Variants in DPYD observed in about 807,000 individuals in gnomAD.
The protein encoded by DPYD is dihydropyrimidine dehydrogenase [NADP(+)].
DPYD carries 109 observed loss-of-function variants against 116.2 expected under a neutral mutation model. That is an observed-to-expected ratio of 0.94 (90% confidence interval 0.80 to 1.10). The LOEUF is 1.10. DPYD is among the 50% of genes least tolerant of loss of function. The probability of loss-of-function intolerance (pLI) is 0.00; values close to 1 mark genes in which losing one functional copy is unlikely to be tolerated. For missense variants in DPYD, 1,302 were observed against 1,254.5 expected (o/e 1.04, Z -0.57); for synonymous variants, 440 against 432.0 (o/e 1.02, Z -0.23).
intron 6 of DPYD, among the ~76,000 whole-genome samples, chr1:97,692,614 G>A (rs190391534): frequency 2.0e-5 from 3 of 152,290 alleles, no homozygotes; most frequent in Admixed American, 1.3e-4. Context: ...AGTGAATAGT[G>A]CCAGGCACAG....
intron 13 of DPYD, among the ~76,000 whole-genome samples, chr1:97,472,252 A>G (rs1677706080): frequency 6.6e-6 from 1 of 152,202 alleles, no homozygotes; most frequent in African/African-American, 2.4e-5. Context: ...CCTCTTAACT[A>G]AAGGGTTTGA....
intron 16 of DPYD, among the ~76,000 whole-genome samples, chr1:97,361,737 T>C (rs545608844): frequency 6.6e-6 from 1 of 152,346 alleles, no homozygotes; most frequent in South Asian, 2.1e-4. Context: ...ATAAAAGGCC[T>C]TCAATAAAAT....
chr1:97,584,148 A>G (rs1653914392), intron 10 of DPYD, among the ~76,000 whole-genome samples: 1 of 152,068 alleles, frequency 6.6e-6, no homozygotes, highest in Admixed American at 6.5e-5. Flanking sequence ...TTTGATTTGC[A>G]TTTCTCTGAT....
chr1:97,573,631 G>T, intron 11 of DPYD, 129 bp downstream of exon 11: 4 of 1,094,956 alleles, frequency 3.7e-6, no homozygotes, highest in Admixed American at 2.0e-5. Flanking sequence ...AATCAAGATT[G>T]CTTTTACTTC....
intron 8 of DPYD, among the ~76,000 whole-genome samples, chr1:97,612,511 G>T (rs1656007496): frequency 6.6e-6 from 1 of 151,882 alleles, no homozygotes; most frequent in African/African-American, 2.4e-5. Flanking sequence ...CTGCAAAATA[G>T]CTTAAGTGTT....
intron 16 of DPYD, chr1:97,322,937 ACT>A (rs1345528244): frequency 2.6e-5 from 4 of 151,562 alleles, no homozygotes; most frequent in Admixed American, 6.6e-5. Context: ...AGGATTAAAA[ACT>A]CTGCAATACG....
At chr1:97,367,268 CCT>C (rs958837023) in intron 16 of DPYD, among the ~76,000 whole-genome samples, 11 of 151,348 alleles carry the variant, frequency 7.3e-5, no homozygotes, top group Non-Finnish European at 1.0e-4. Context: ...AGAAACAAAG[CCT>C]CTCTCTTTTT....
intron 13 of DPYD, among the ~76,000 whole-genome samples, chr1:97,514,544 C>T (rs1235660471): frequency 6.6e-6 from 1 of 151,672 alleles, no homozygotes; most frequent in Non-Finnish European, 1.5e-5. Flanking sequence ...AATATACTAT[C>T]AATATTCTAC....
At chr1:97,707,801 T>C (rs1662065531) in intron 5 of DPYD, among the ~76,000 whole-genome samples, 2 of 152,154 alleles carry the variant, frequency 1.3e-5, no homozygotes, top group South Asian at 4.1e-4. Flanking sequence ...TCTGTATATC[T>C]TTCTTGGTGA....
intron 14 of DPYD, among the ~76,000 whole-genome samples, chr1:97,410,735 T>C (rs148430764): frequency 0.013 from 1,953 of 152,198 alleles, 24 homozygotes; most frequent in South Asian, 0.023. Flanking sequence ...GATAGATTTA[T>C]ATTTTATAAA....
chr1:97,719,849 A>C, intron 5 of DPYD: 1 of 985,028 alleles, frequency 1.0e-6, no homozygotes, highest in African/African-American at 1.7e-5. Context: ...AAGCAGATAC[A>C]TTCCTATTCT....
At chr1:97,168,432 C>T (rs1656480247) in intron 20 of DPYD, among the ~76,000 whole-genome samples, 1 of 152,178 alleles carries the variant, frequency 6.6e-6, no homozygotes, top group Non-Finnish European at 1.5e-5. Flanking sequence ...AGACCTACTT[C>T]ACAGATTGCT....
In DPYD at chr1:97,751,492, A is replaced by ATATATATATG. The variant is rs1265776238; in HGVS notation, c.234-11014_234-11013insCATATATATA. ...TATATATATATATATATATATATAT[A>ATATATATATG]TATGGCAGGGGACAGTGGCTCACGC... is the stretch of plus-strand genomic sequence containing the variant. On this transcript the variant is annotated intron_variant, in intron 3 of 22. Transcript: ENST00000370192. Among the ~76,000 whole-genome samples the ATATATATATG allele has an allele frequency of 7.4e-5, 10 of 134,656 alleles. No individual in the cohort carries two copies. The East Asian group carries it at 1.1e-3, about 15-fold the overall frequency. The allele number at this position is 134,656 out of a possible 152,430, so 88.3% of individuals were successfully genotyped here.
chr1:97,079,753 T>C (rs1016307602), intron 22 of DPYD, among the ~76,000 whole-genome samples: 16 of 152,220 alleles, frequency 1.1e-4, no homozygotes, highest in Admixed American at 3.3e-4. Flanking sequence ...AAAACTGATG[T>C]CCAGTCCTGG....
chr1:97,617,842 T>C (rs1656384604), intron 8 of DPYD, among the ~76,000 whole-genome samples: 1 of 152,186 alleles, frequency 6.6e-6, no homozygotes, highest in South Asian at 2.1e-4. Flanking sequence ...CCTACACGCA[T>C]TAAAGTTTAA....
intron 12 of DPYD, among the ~76,000 whole-genome samples, chr1:97,521,507 C>T (rs1198435770): frequency 6.6e-6 from 1 of 152,110 alleles, no homozygotes; most frequent in Non-Finnish European, 1.5e-5. Flanking sequence ...AGATTCAATG[C>T]TATCCCAATC....
chr1:97,786,979 T>C (rs1667070868), intron 3 of DPYD, among the ~76,000 whole-genome samples: 1 of 152,222 alleles, frequency 6.6e-6, no homozygotes, highest in Non-Finnish European at 1.5e-5. Flanking sequence ...TCATATTTTA[T>C]GCTTTATTTC....
At chr1:97,183,218 AG>A (rs1338394878) in intron 20 of DPYD, among the ~76,000 whole-genome samples, 1 of 152,108 alleles carries the variant, frequency 6.6e-6, no homozygotes, top group African/African-American at 2.4e-5. Context: ...AACTCTAAAA[AG>A]AAAGTCTTAT....
At chr1:97,754,569 A>G (rs918759656) in intron 3 of DPYD, among the ~76,000 whole-genome samples, 1 of 152,176 alleles carries the variant, frequency 6.6e-6, no homozygotes, top group Admixed American at 6.6e-5. Context: ...GAATCTTAAC[A>G]TGTTATTTGC....
Sources: allele counts gnomAD v4.1 joint callset (sites outside exome capture counted in the v4.1 genomes callset), GRCh38; gene constraint gnomAD v4.1.1; transcripts MANE v1.5; gene names NCBI Gene and HGNC (gene_info 2026-07-23, HGNC 2026-07-21).